Variants in WDR27 observed in about 807,000 individuals in gnomAD.
WDR27 encodes WD repeat domain 27.
In WDR27, 100 loss-of-function variants were observed where a neutral mutation model predicts 114.4. The observed-to-expected ratio is 0.87, with a 90% CI of 0.74 to 1.03. The LOEUF (loss-of-function observed/expected upper bound fraction) is 1.03. WDR27 is among the 50% of genes least tolerant of loss of function. The pLI, the probability that WDR27 is intolerant of heterozygous loss-of-function variation, is 0.00. For synonymous variants in WDR27, 449 were observed against 423.1 expected (o/e 1.06, Z -0.75); for missense variants, 1,129 against 1,092.9 (o/e 1.03, Z -0.47).
At chr6:169,608,933 C>T (rs769451446) in intron 22 of WDR27, among the ~76,000 whole-genome samples, 1 of 152,210 alleles carries the variant, frequency 6.6e-6, no homozygotes, top group Non-Finnish European at 1.5e-5. Flanking sequence ...TAAATACAGT[C>T]ATTCCAAATG....
chr6:169,434,543 G>C, the WDR27 span, among the ~76,000 whole-genome samples: 1 of 152,032 alleles, frequency 6.6e-6, no homozygotes, highest in Admixed American at 6.5e-5. Context: ...AATTGTCTTG[G>C]TTCCATATGA....
Position 169,511,142 on chromosome 6 carries a change from C to A in WDR27, c.2646-53508G>T, listed in dbSNP as rs186374944. ...TGTGTTTCAGACTTTGATACAAAAA[C>A]AAAGGCAATTTCCACATTTCAAAAT... On this transcript the variant is annotated intron_variant, in intron 25 of 25. Coordinates refer to ENST00000448612, the MANE Select transcript of WDR27 (RefSeq NM_182552.5). Among the ~76,000 whole-genome samples, 77 of 152,286 alleles carry A rather than the reference C, an allele frequency of 5.1e-4. 1 individual carries two copies. The highest frequency in any genetic ancestry group is 1.6e-3 in the African/African-American group (68 of 41,574).
intron 17 of WDR27, 124 bp downstream of exon 17, chr6:169,643,573 A>T: frequency 1.4e-6 from 1 of 712,670 alleles, no homozygotes; most frequent in Non-Finnish European, 2.3e-6. Context: ...ACTCCAATTC[A>T]AGCCATGGCT....
At chr6:169,504,818 C>T (rs562560568) in intron 25 of WDR27, among the ~76,000 whole-genome samples, 8 of 152,230 alleles carry the variant, frequency 5.3e-5, no homozygotes, top group African/African-American at 9.6e-5. Flanking sequence ...AGGCTGGTCT[C>T]GAACTCCTGG....
intron 25 of WDR27, among the ~76,000 whole-genome samples, chr6:169,507,877 A>C (rs1792216081): frequency 6.6e-6 from 1 of 152,182 alleles, no homozygotes; most frequent in South Asian, 2.1e-4. Context: ...TCACAGCTTC[A>C]CAACTGTGCT....
intron 21 of WDR27, among the ~76,000 whole-genome samples, chr6:169,620,579 C>T (rs1283013115): frequency 6.6e-6 from 1 of 152,148 alleles, no homozygotes; most frequent in Non-Finnish European, 1.5e-5. Flanking sequence ...CCTGGAAGCC[C>T]TCGCCTCAAA....
Position 169,651,968 on chromosome 6 carries a change from A to G in WDR27, c.1443T>C (p.His481=). The G allele has an allele frequency of 6.2e-7, 1 of 1,613,858 alleles. No homozygotes were observed. Among genetic ancestry groups the G allele is most frequent in the Non-Finnish European group, 8.5e-7 (1 of 1,179,870 alleles). Residue 481 remains histidine, a synonymous_variant, in exon 14 of 26, where the codon CAT becomes CAC. Transcript: ENST00000448612. ...NVMKDQRLVF[H]SKVRSSGYAS... ...CATAACCAGATGACCTAACTTTACT[A>G]TGGAAAACCAGGCGTTGGTCCTTCA...
intron 25 of WDR27, among the ~76,000 whole-genome samples, chr6:169,533,009 T>C (rs570456235): frequency 7.3e-5 from 11 of 151,338 alleles, no homozygotes. Flanking sequence ...TCCCGAGATG[T>C]AGAGGTCTCA....
chr6:169,483,454 C>T (rs948648057), intron 25 of WDR27, among the ~76,000 whole-genome samples: 1 of 152,136 alleles, frequency 6.6e-6, no homozygotes, highest in African/African-American at 2.4e-5. Flanking sequence ...CACATACATC[C>T]TCCCAAGACT....
intron 15 of WDR27, among the ~76,000 whole-genome samples, 166 bp downstream of exon 15, chr6:169,649,032 G>C (rs186931130): frequency 6.6e-6 from 1 of 152,182 alleles, no homozygotes; most frequent in East Asian, 1.9e-4. Flanking sequence ...AAGAAATTTG[G>C]CTAAAAAGAT....
intron 22 of WDR27, among the ~76,000 whole-genome samples, chr6:169,607,399 C>G (rs62422535): frequency 2.1e-5 from 1 of 47,390 alleles, no homozygotes; most frequent in African/African-American, 4.8e-5. Context: ...TGTATACACA[C>G]ACACACACAC....
intron 21 of WDR27, among the ~76,000 whole-genome samples, chr6:169,621,998 G>A (rs1813476195): frequency 6.6e-6 from 1 of 152,180 alleles, no homozygotes; most frequent in African/African-American, 2.4e-5. Context: ...ACTGCTTAGG[G>A]CCAACCTGCC....
Position 169,670,607 on chromosome 6 carries a change from C to G in WDR27, c.418G>C (p.Val140Leu), listed in dbSNP as rs199733462. 2.2e-5 allele frequency: 36 copies of G among 1,613,870 alleles called. 1 individual carries two copies. The highest frequency in any genetic ancestry group is 1.7e-6 in the Non-Finnish European group (2 of 1,179,886). The change falls in exon 4 of 26, where the codon GTG becomes CTG. Residue 140 changes from valine to leucine, a missense_variant. Val to Leu is a conservative substitution (Grantham distance 32, BLOSUM62 1). Transcript: ENST00000448612. ...ATGAATATTTTGTTTCCAGCACACA[C>G]GGCAACAACATGATCATCCAGGCTC... Reference protein sequence around the residue: ...QLSLDDHVVAVCAGNKIFMLD... With the variant: ...QLSLDDHVVALCAGNKIFMLD...
At chr6:169,607,033 T>C (rs943929019) in intron 22 of WDR27, among the ~76,000 whole-genome samples, 1 of 152,084 alleles carries the variant, frequency 6.6e-6, no homozygotes, top group Non-Finnish European at 1.5e-5. Flanking sequence ...AAAACCACAA[T>C]GAGATTTCAT....
intron 6 of WDR27, chr6:169,666,925 T>C (rs1827982985): frequency 1.0e-6 from 1 of 985,328 alleles, no homozygotes; most frequent in Non-Finnish European, 1.2e-6. Context: ...ACTCCAAGCA[T>C]CCATTTAATT....
At chr6:169,484,559 A>T (rs1476207115) in intron 25 of WDR27, among the ~76,000 whole-genome samples, 1 of 152,234 alleles carries the variant, frequency 6.6e-6, no homozygotes, top group East Asian at 1.9e-4. Context: ...ATGCTCATGG[A>T]TAGGAAGAAT....
chr6:169,513,219 A>G (rs1230106966), intron 25 of WDR27, among the ~76,000 whole-genome samples: 1 of 152,178 alleles, frequency 6.6e-6, no homozygotes, highest in Non-Finnish European at 1.5e-5. Context: ...TGGTGGCCTC[A>G]GTGAGGTGGG....
chr6:169,553,058 C>CTG (rs3033612), intron 25 of WDR27, among the ~76,000 whole-genome samples: 4,909 of 30,150 alleles, frequency 0.16, 1,276 homozygotes, highest in South Asian at 0.33. Context: ...CCTGGAGGGC[C>CTG]TGTGTGTGTG....
At chr6:169,563,842 C>T (rs1800026696) in intron 25 of WDR27, among the ~76,000 whole-genome samples, 1 of 152,174 alleles carries the variant, frequency 6.6e-6, no homozygotes, top group Non-Finnish European at 1.5e-5. Flanking sequence ...CTGCAATTCT[C>T]GAGCAGCTCA....
Sources: gnomAD v4.1 joint callset for allele counts (sites outside exome capture counted in the v4.1 genomes callset) on GRCh38, gnomAD v4.1.1 for gene constraint, MANE v1.5 for transcripts, NCBI Gene and HGNC (gene_info 2026-07-23, HGNC 2026-07-21) for gene names.